IDE: variants seen among roughly 807,000 people sequenced by gnomAD.
The protein encoded by IDE is insulin-degrading enzyme.
IDE carries 58 observed loss-of-function variants against 133.2 expected under a neutral mutation model. The observed-to-expected ratio is 0.44, with a 90% CI of 0.35 to 0.54. The LOEUF (loss-of-function observed/expected upper bound fraction) is 0.54. IDE is among the 20% of genes least tolerant of loss of function. IDE has a pLI of 0.00. For synonymous variants in IDE, 396 were observed against 421.3 expected (o/e 0.94, Z 0.73); for missense variants, 981 against 1,234.0 (o/e 0.79, Z 3.07).
intron 21 of IDE, among the ~76,000 whole-genome samples, chr10:92,461,919 C>T (rs1845414698): frequency 6.6e-6 from 1 of 152,092 alleles, no homozygotes; most frequent in Non-Finnish European, 1.5e-5. Context: ...CGTGATCCGC[C>T]CGCCTCGCAC....
chr10:92,562,590 G>T (rs375193185), intron 1 of IDE, among the ~76,000 whole-genome samples: 21 of 152,138 alleles, frequency 1.4e-4, no homozygotes, highest in Non-Finnish European at 2.8e-4. Context: ...TAGAACAGGT[G>T]TCAATCTTAC....
intron 1 of IDE, among the ~76,000 whole-genome samples, chr10:92,556,614 C>T (rs910340538): frequency 2.6e-5 from 4 of 151,930 alleles, no homozygotes; most frequent in African/African-American, 4.8e-5. Flanking sequence ...AAAAATTAGC[C>T]GGGCGTGGTG....
intron 1 of IDE, among the ~76,000 whole-genome samples, chr10:92,563,321 G>A (rs1589550112): frequency 6.6e-6 from 1 of 151,748 alleles, no homozygotes; most frequent in South Asian, 2.1e-4. Context: ...GTGTGTGGGT[G>A]CATGCCTGTA....
chr10:92,545,638 G>A (rs1425326412), intron 1 of IDE, among the ~76,000 whole-genome samples: 1 of 152,182 alleles, frequency 6.6e-6, no homozygotes, highest in Non-Finnish European at 1.5e-5. Context: ...GGACTGTACT[G>A]GACGAAGAGG....
At chr10:92,532,079 A>G (rs1849957957) in intron 3 of IDE, among the ~76,000 whole-genome samples, 162 bp from the exon 4 acceptor site, 1 of 152,212 alleles carries the variant, frequency 6.6e-6, no homozygotes, top group Non-Finnish European at 1.5e-5. Context: ...AATAAGTGCT[A>G]TGTAACAGAA....
chr10:92,476,926 G>A (rs1205821569), intron 15 of IDE, among the ~76,000 whole-genome samples: 4 of 152,100 alleles, frequency 2.6e-5, no homozygotes, highest in Non-Finnish European at 5.9e-5. Context: ...TTTAGCCCAA[G>A]AGTTTAAGAC....
chr10:92,516,105 G>T (rs937148852), intron 4 of IDE, among the ~76,000 whole-genome samples: 1 of 151,452 alleles, frequency 6.6e-6, no homozygotes, highest in Admixed American at 6.6e-5. Context: ...GGAGGCAGAA[G>T]TTGCGGTGAG....
At chr10:92,525,601 C>T (rs12261114) in intron 4 of IDE, among the ~76,000 whole-genome samples, 1 of 151,952 alleles carries the variant, frequency 6.6e-6, no homozygotes, top group African/African-American at 2.4e-5. Flanking sequence ...TGTCATTGTT[C>T]GTAGACAACA....
At chr10:92,485,280 C>G (rs1260513536) in intron 13 of IDE, among the ~76,000 whole-genome samples, 1 of 151,928 alleles carries the variant, frequency 6.6e-6, no homozygotes, top group Non-Finnish European at 1.5e-5. Flanking sequence ...CACGCGCCAC[C>G]ACGCCCAGCT....
chr10:92,514,376 GCTTT>G (rs1482170474), intron 5 of IDE, among the ~76,000 whole-genome samples: 1 of 151,006 alleles, frequency 6.6e-6, no homozygotes, highest in Admixed American at 6.6e-5. Flanking sequence ...ATCATCATCT[GCTTT>G]TTTTTTTTCC....
rs374298803 is a variant in IDE, at chr10:92,534,694, A to G, written c.375T>C (p.Asn125=). The change falls in exon 3 of 25, where the codon AAT becomes AAC. Residue 125 remains asparagine (N), a synonymous_variant. Transcript: ENST00000265986. The part of the protein sequence containing the change: ...FLGTKKYPKE[N]EYSQFLSEHA... ...GCTCACTGAGAAACTGGCTGTATTC[A>G]TTTTCTTTAGGGTATTTCTTTGTTC... The G allele has an allele frequency of 7.4e-6, 12 of 1,613,572 alleles. No individual in the cohort carries two copies. Among genetic ancestry groups the G allele is most frequent in the Non-Finnish European group, 1.0e-5 (12 of 1,179,734 alleles).
intron 1 of IDE, among the ~76,000 whole-genome samples, chr10:92,549,117 G>A (rs936295213): frequency 6.6e-6 from 1 of 152,060 alleles, no homozygotes; most frequent in Admixed American, 6.6e-5. Flanking sequence ...AATCAGCTGG[G>A]CATGGTGGCA....
chr10:92,546,793 T>C (rs1842550510), intron 1 of IDE, among the ~76,000 whole-genome samples: 1 of 152,190 alleles, frequency 6.6e-6, no homozygotes, highest in Non-Finnish European at 1.5e-5. Context: ...GATCTAAAAA[T>C]AAAACTTGAC....
intron 11 of IDE, among the ~76,000 whole-genome samples, chr10:92,499,928 C>T (rs571485894): frequency 3.9e-5 from 6 of 152,222 alleles, no homozygotes; most frequent in East Asian, 1.9e-4. Context: ...CATATAGATA[C>T]GCAGCTAGTA....
At chr10:92,489,465 T>C (rs762250787) in intron 12 of IDE, among the ~76,000 whole-genome samples, 25 of 152,104 alleles carry the variant, frequency 1.6e-4, no homozygotes, top group Admixed American at 5.2e-4. Context: ...TAGGTGGAGG[T>C]TGCAGTGAGC....
rs201349668 is a variant in IDE at position 92,455,608 on chromosome 10, T to C, written c.2932A>G (p.Ile978Val). The C allele has an allele frequency of 3.9e-4, 620 of 1,604,066 alleles. No individual in the cohort carries two copies. Among genetic ancestry groups the C allele is most frequent in the Non-Finnish European group, 5.1e-4 (603 of 1,171,010 alleles). ...AAGGCTGGTGCTTGTGACAAATTTA[T>C]GTCATTTTGACATGGGAACTCTCCA... The part of the protein sequence containing the change: ...VVGEFPCQND[I>V]NLSQAPALPQ... Residue 978 changes from isoleucine to valine, a missense_variant, in exon 24 of 25, where the codon ATA (isoleucine) becomes GTA (valine). Ile to Val is a conservative substitution (Grantham distance 29). Around this residue, in one of 2 missense-constraint regions of IDE, gnomAD observed 660 missense variants for 894.7 expected, o/e 0.74. Coordinates refer to ENST00000265986, the MANE Select transcript of IDE (RefSeq NM_004969.4).
At chr10:92,469,646 G>A (rs979391472) in intron 18 of IDE, among the ~76,000 whole-genome samples, 15 of 151,996 alleles carry the variant, frequency 9.9e-5, no homozygotes, top group African/African-American at 3.4e-4. Flanking sequence ...CGAACTCTTG[G>A]GTTCAAGTAA....
intron 11 of IDE, chr10:92,497,690 T>C: frequency 2.0e-6 from 2 of 982,140 alleles, no homozygotes; most frequent in Non-Finnish European, 2.4e-6. Context: ...CACCCTAGTC[T>C]GGTCTGGCAG....
intron 4 of IDE, among the ~76,000 whole-genome samples, chr10:92,521,398 T>TA (rs879425676): frequency 1.1e-3 from 147 of 138,834 alleles, no homozygotes; most frequent in East Asian, 6.4e-3. Flanking sequence ...AGGGGTGCAG[T>TA]AAAAAAAAAA....
Sources: gnomAD v4.1 joint callset for allele counts (sites outside exome capture counted in the v4.1 genomes callset) on GRCh38, gnomAD v4.1.1 for gene constraint, gnomAD v4.1.1 regional missense constraint, MANE v1.5 for transcripts, NCBI Gene and HGNC (gene_info 2026-07-23, HGNC 2026-07-21) for gene names.